EXOC6B: variants seen among roughly 807,000 people sequenced by gnomAD.
The protein encoded by EXOC6B is SEC15 homolog B.
EXOC6B carries 54 observed loss-of-function variants against 113.5 expected under a neutral mutation model. That is an observed-to-expected ratio of 0.48 (90% CI 0.38 to 0.60). EXOC6B has a LOEUF of 0.60. Among genes scored for constraint, EXOC6B ranks in the 20% least tolerant of loss-of-function variants. EXOC6B has a pLI of 0.00. For synonymous variants in EXOC6B, 357 were observed against 339.0 expected, an observed-to-expected ratio of 1.05 and a Z score of -0.58; for missense variants, 797 against 977.5, an observed-to-expected ratio of 0.82 and a Z score of 2.46.
intron 20 of EXOC6B, among the ~76,000 whole-genome samples, chr2:72,317,938 T>C (rs1687620544): frequency 6.6e-6 from 1 of 152,208 alleles, no homozygotes; most frequent in African/African-American, 2.4e-5. Flanking sequence ...GACCTCTCTC[T>C]GACTGATGTT....
intron 20 of EXOC6B, among the ~76,000 whole-genome samples, chr2:72,194,822 G>C (rs1679070419): frequency 6.6e-6 from 1 of 151,986 alleles, no homozygotes; most frequent in African/African-American, 2.4e-5. Flanking sequence ...AGATTAAGGG[G>C]GTCAAGCTTA....
At chr2:72,560,681 C>T (rs1703840660) in intron 7 of EXOC6B, among the ~76,000 whole-genome samples, 1 of 151,992 alleles carries the variant, frequency 6.6e-6, no homozygotes, top group Non-Finnish European at 1.5e-5. Flanking sequence ...CTATTCTGTT[C>T]ATCTGCTTCG....
At chr2:72,189,686 C>T (rs1450886564) in intron 20 of EXOC6B, among the ~76,000 whole-genome samples, 2 of 152,004 alleles carry the variant, frequency 1.3e-5, no homozygotes, top group African/African-American at 4.8e-5. Context: ...ATTAATCTAT[C>T]TATCCATTTG....
chr2:72,289,418 A>C (rs973248578), intron 20 of EXOC6B, among the ~76,000 whole-genome samples: 177 of 152,254 alleles, frequency 1.2e-3, no homozygotes, highest in Non-Finnish European at 8.4e-4. Flanking sequence ...GAGATCCTCT[A>C]AGTGAATACA....
At chr2:72,809,015 T>C (rs907253912) in intron 1 of EXOC6B, among the ~76,000 whole-genome samples, 9 of 152,028 alleles carry the variant, frequency 5.9e-5, no homozygotes, top group Admixed American at 6.6e-5. Flanking sequence ...CAGTGAGCCA[T>C]GAATACACCA....
At chr2:72,486,931 T>C (rs188298476) in intron 16 of EXOC6B, among the ~76,000 whole-genome samples, 39 of 152,280 alleles carry the variant, frequency 2.6e-4, no homozygotes, top group African/African-American at 8.7e-4. Context: ...TTTCTTTGTT[T>C]CCTTTGGTAA....
intron 7 of EXOC6B, 57 bp from the exon 8 acceptor site, chr2:72,559,578 A>C: frequency 7.2e-7 from 1 of 1,390,324 alleles, no homozygotes; most frequent in Non-Finnish European, 1.0e-6. Flanking sequence ...AAGCAACTAC[A>C]TTAATTGTTA....
chr2:72,793,554 G>A (rs987650919), intron 1 of EXOC6B, among the ~76,000 whole-genome samples: 2 of 151,442 alleles, frequency 1.3e-5, no homozygotes, highest in Non-Finnish European at 2.9e-5. Flanking sequence ...GTCTTTAGAA[G>A]TAAATAAAAT....
intron 7 of EXOC6B, among the ~76,000 whole-genome samples, chr2:72,563,732 T>G (rs1704012642): frequency 6.6e-6 from 1 of 152,134 alleles, no homozygotes; most frequent in South Asian, 2.1e-4. Context: ...AACGCCAGGA[T>G]GTGACTTTTA....
chr2:72,718,691 C>G (rs1679798663), intron 5 of EXOC6B, among the ~76,000 whole-genome samples: 1 of 152,146 alleles, frequency 6.6e-6, no homozygotes, highest in African/African-American at 2.4e-5. Flanking sequence ...AACCCCATCT[C>G]TACTAAAAAT....
At chr2:72,352,793 G>A (rs1689739052) in intron 19 of EXOC6B, among the ~76,000 whole-genome samples, 1 of 150,068 alleles carries the variant, frequency 6.7e-6, no homozygotes, top group South Asian at 2.1e-4. Context: ...GGATTAAAAT[G>A]TTATGGGAAC....
chr2:72,754,766 A>G (rs1427705833), intron 1 of EXOC6B, among the ~76,000 whole-genome samples: 1 of 151,522 alleles, frequency 6.6e-6, no homozygotes, highest in Admixed American at 6.6e-5. Flanking sequence ...GGCATGCACC[A>G]ACACAAGCAG....
chr2:72,305,555 A>C (rs1236867871), intron 20 of EXOC6B, among the ~76,000 whole-genome samples: 1 of 152,132 alleles, frequency 6.6e-6, no homozygotes, highest in African/African-American at 2.4e-5. Context: ...TATGATTATT[A>C]AGTATATACT....
chr2:72,661,110 G>C (rs112283433), intron 6 of EXOC6B, among the ~76,000 whole-genome samples: 1 of 146,402 alleles, frequency 6.8e-6, no homozygotes, highest in African/African-American at 2.8e-5. Flanking sequence ...TGGAGCTATA[G>C]GGCCAAGAGG....
intron 1 of EXOC6B, among the ~76,000 whole-genome samples, chr2:72,746,746 T>G (rs1310000083): frequency 6.6e-6 from 1 of 152,072 alleles, no homozygotes; most frequent in Non-Finnish European, 1.5e-5. Flanking sequence ...ATTTTATAAA[T>G]GAGAAACCTG....
chr2:72,395,879 G>A (rs916350731), intron 18 of EXOC6B, among the ~76,000 whole-genome samples: 7 of 151,886 alleles, frequency 4.6e-5, no homozygotes, highest in Non-Finnish European at 5.9e-5. Flanking sequence ...ACATAATTGG[G>A]GCTCAATGAA....
chr2:72,194,262 CT>C (rs1407484018), intron 20 of EXOC6B, among the ~76,000 whole-genome samples: 2 of 152,076 alleles, frequency 1.3e-5, no homozygotes, highest in African/African-American at 4.8e-5. Flanking sequence ...AAATATCCTG[CT>C]TGGTGAGACC....
chr2:72,588,605 C>T (rs1254921064), intron 6 of EXOC6B, among the ~76,000 whole-genome samples: 5 of 151,872 alleles, frequency 3.3e-5, no homozygotes. Flanking sequence ...ATTGGCTGTA[C>T]AACATTGTGA....
intron 6 of EXOC6B, among the ~76,000 whole-genome samples, chr2:72,682,163 G>A (rs1317201835): frequency 6.6e-6 from 1 of 152,032 alleles, no homozygotes; most frequent in Non-Finnish European, 1.5e-5. Flanking sequence ...TAAAAAAGGT[G>A]CCAGAAAAAG....
Sources: gnomAD v4.1 joint callset for allele counts (sites outside exome capture counted in the v4.1 genomes callset) on GRCh38, gnomAD v4.1.1 for gene constraint, MANE v1.5 for transcripts, NCBI Gene and HGNC (gene_info 2026-07-23, HGNC 2026-07-21) for gene names.